Variants in LRMDA observed in about 807,000 individuals in gnomAD.
LRMDA encodes the protein leucine-rich melanocyte differentiation-associated protein.
In LRMDA, 18 loss-of-function variants were observed where a neutral mutation model predicts 29.8. That is an observed-to-expected ratio of 0.60 (90% CI 0.42 to 0.90). The LOEUF is 0.90. Among genes scored for constraint, LRMDA ranks in the 40% least tolerant of loss-of-function variants. The pLI, the probability that LRMDA is intolerant of heterozygous loss-of-function variation, is 0.00. For synonymous variants in LRMDA, 125 were observed against 109.4 expected (o/e 1.14, Z -0.89); for missense variants, 273 against 273.9 (o/e 1.00, Z 0.02).
chr10:75,530,423 T>C lies in LRMDA; in HGVS notation c.131+91929T>C, dbSNP rs953741100. Among the ~76,000 whole-genome samples the C allele has an allele frequency of 3.3e-5, 5 of 152,148 alleles. 1 individual carries two copies. The South Asian group carries it at 1.0e-3, about 32-fold the overall frequency. On this transcript the variant is annotated intron_variant, in intron 2 of 6. Transcript: ENST00000611255. ...CAGGGACGGCAATGCATGGAGCACC[T>C]TGGGTCAGTTGACAAGTGACGAATG...
At chr10:75,901,024 A>G (rs1157320292) in intron 2 of LRMDA, among the ~76,000 whole-genome samples, 10 of 152,224 alleles carry the variant, frequency 6.6e-5, no homozygotes, top group Non-Finnish European at 1.5e-4. Flanking sequence ...CAGCTTAGGT[A>G]TCTCTCCCAT....
At chr10:75,865,415 TA>T (rs1424202599) in intron 2 of LRMDA, among the ~76,000 whole-genome samples, 4 of 152,154 alleles carry the variant, frequency 2.6e-5, no homozygotes, top group South Asian at 2.1e-4. Context: ...TATATCTCAA[TA>T]AAAAATATGA....
At chr10:75,612,081 C>T (rs556250457) in intron 2 of LRMDA, among the ~76,000 whole-genome samples, 134 of 152,284 alleles carry the variant, frequency 8.8e-4, no homozygotes, top group African/African-American at 3.1e-3. Flanking sequence ...ATAACTCATT[C>T]AAATGCCATT....
At chr10:76,348,904 C>G (rs760663187) in intron 6 of LRMDA, among the ~76,000 whole-genome samples, 7 of 152,146 alleles carry the variant, frequency 4.6e-5, no homozygotes, top group Non-Finnish European at 1.0e-4. Flanking sequence ...TGGTCATTAG[C>G]TGAAGGGTTG....
intron 5 of LRMDA, among the ~76,000 whole-genome samples, chr10:76,292,276 G>T (rs1000801792): frequency 6.6e-6 from 1 of 152,026 alleles, no homozygotes; most frequent in Non-Finnish European, 1.5e-5. Flanking sequence ...GAAGGAATTC[G>T]AGGTGTATAT....
At chr10:75,776,891 A>G (rs997125355) in intron 2 of LRMDA, among the ~76,000 whole-genome samples, 1 of 152,234 alleles carries the variant, frequency 6.6e-6, no homozygotes, top group African/African-American at 2.4e-5. Context: ...TCTTTGTTGT[A>G]GATCCGATAT....
In LRMDA at chr10:76,558,516, C is replaced by T. The variant is rs1409170965; in HGVS notation, c.*1228C>T. ...ACTTGCTGGTGCACCAGTCAAATCACTCTAGAAGATGTTCAAAAGGTTGAT... is the reference window on the plus strand; with the variant it reads ...ACTTGCTGGTGCACCAGTCAAATCATTCTAGAAGATGTTCAAAAGGTTGAT... On this transcript the variant is annotated 3_prime_UTR_variant, in exon 7 of 7. Coordinates refer to ENST00000611255, the MANE Select transcript of LRMDA (RefSeq NM_001305581.2). The T allele has an allele frequency of 6.6e-6, 1 of 152,216 alleles. No homozygotes were observed. The highest frequency in any genetic ancestry group is 1.5e-5 in the Non-Finnish European group (1 of 68,042). The allele number at this position is 152,216 out of a possible 1,614,324, so 9.4% of individuals were successfully genotyped here.
intron 2 of LRMDA, among the ~76,000 whole-genome samples, chr10:75,700,246 C>G (rs1353442651): frequency 7.0e-6 from 1 of 142,378 alleles, no homozygotes; most frequent in Non-Finnish European, 1.5e-5. Context: ...AGAATTAAAC[C>G]TTTGTGTGAG....
chr10:76,045,862 G>T (rs896907105), intron 3 of LRMDA, among the ~76,000 whole-genome samples: 1 of 152,146 alleles, frequency 6.6e-6, no homozygotes, highest in Non-Finnish European at 1.5e-5. Context: ...TTCCGACATT[G>T]GTTGGATTTT....
intron 5 of LRMDA, among the ~76,000 whole-genome samples, chr10:76,201,847 TTTC>T (rs1400719779): frequency 2.0e-5 from 3 of 152,178 alleles, no homozygotes; most frequent in Non-Finnish European, 4.4e-5. Flanking sequence ...ACAGCAAATA[TTTC>T]TTTAGTTCCC....
At chr10:76,418,788 TA>T (rs1214151730) in intron 6 of LRMDA, among the ~76,000 whole-genome samples, 1 of 152,112 alleles carries the variant, frequency 6.6e-6, no homozygotes, top group Non-Finnish European at 1.5e-5. Flanking sequence ...TTTCTTTTGT[TA>T]TGAGTTTTCA....
chr10:75,448,780 G>A (rs1295131376), intron 2 of LRMDA, among the ~76,000 whole-genome samples: 2 of 152,300 alleles, frequency 1.3e-5, no homozygotes, highest in Admixed American at 6.5e-5. Context: ...AAGCAGACTT[G>A]CCAATAATAC....
intron 5 of LRMDA, among the ~76,000 whole-genome samples, chr10:76,185,455 A>T (rs1237213390): frequency 1.3e-5 from 2 of 152,226 alleles, no homozygotes; most frequent in Non-Finnish European, 2.9e-5. Flanking sequence ...GATTGTGAGG[A>T]CTGGACAAAG....
intron 2 of LRMDA, among the ~76,000 whole-genome samples, chr10:75,725,227 T>A (rs1321864002): frequency 6.6e-6 from 1 of 152,238 alleles, no homozygotes; most frequent in African/African-American, 2.4e-5. Context: ...CAGTGCCACT[T>A]TTATTGTTGT....
chr10:75,577,675 C>A (rs1275090969), intron 2 of LRMDA, among the ~76,000 whole-genome samples: 2 of 152,220 alleles, frequency 1.3e-5, no homozygotes, highest in Non-Finnish European at 2.9e-5. Context: ...GCCTATCACA[C>A]TAACAGCAGA....
intron 2 of LRMDA, among the ~76,000 whole-genome samples, chr10:75,694,574 G>A (rs1287472982): frequency 6.6e-6 from 1 of 152,276 alleles, no homozygotes; most frequent in East Asian, 1.9e-4. Context: ...TATGTATATG[G>A]AGGAATTCCC....
chr10:76,224,578 G>GA (rs771389278), intron 5 of LRMDA, among the ~76,000 whole-genome samples: 101 of 119,838 alleles, frequency 8.4e-4, no homozygotes, highest in Middle Eastern at 5.1e-3. Context: ...TCTCAAAAAA[G>GA]AAAAAAAAAA....
At chr10:76,410,149 T>C (rs751355318) in intron 6 of LRMDA, among the ~76,000 whole-genome samples, 1 of 151,848 alleles carries the variant, frequency 6.6e-6, no homozygotes, top group African/African-American at 2.4e-5. Flanking sequence ...GAGATCATTG[T>C]GGGAGGGGAT....
intron 6 of LRMDA, among the ~76,000 whole-genome samples, chr10:76,541,802 C>A (rs2132385410): frequency 6.6e-6 from 1 of 152,196 alleles, no homozygotes; most frequent in East Asian, 1.9e-4. Flanking sequence ...CTGCCTCTGC[C>A]TCCCCTATGT....
Sources: allele counts gnomAD v4.1 joint callset (sites outside exome capture counted in the v4.1 genomes callset), GRCh38; gene constraint gnomAD v4.1.1; transcripts MANE v1.5; gene names NCBI Gene and HGNC (gene_info 2026-07-23, HGNC 2026-07-21).